Variants in CMSS1 observed in about 807,000 individuals in gnomAD.
The protein encoded by CMSS1 is cms1 ribosomal small subunit homolog, also known as protein CMSS1.
A neutral mutation model predicts 43.5 loss-of-function variants in CMSS1; 33 were observed. The ratio of observed to expected loss-of-function variants is 0.76; its 90% CI spans 0.57 to 1.01. The LOEUF (loss-of-function observed/expected upper bound fraction) is 1.01. Ranked by LOEUF, CMSS1 falls within the 50% of genes least tolerant of loss-of-function variation. CMSS1 has a pLI of 0.00. For missense variants in CMSS1, 313 were observed against 326.4 expected, an observed-to-expected ratio of 0.96 and a Z score of 0.32; for synonymous variants, 115 against 117.2, an observed-to-expected ratio of 0.98 and a Z score of 0.12.
At chr3:100,149,983 G>C (rs972620400) in intron 2 of CMSS1, among the ~76,000 whole-genome samples, 2 of 151,902 alleles carry the variant, frequency 1.3e-5, no homozygotes, top group African/African-American at 2.4e-5. Flanking sequence ...TCCTTGAAAG[G>C]CTCCTCCACC....
chr3:100,030,449 G>A (rs923876886), intron 1 of CMSS1, among the ~76,000 whole-genome samples: 1 of 152,092 alleles, frequency 6.6e-6, no homozygotes, highest in Non-Finnish European at 1.5e-5. Context: ...ATTTGTAATA[G>A]GGTAATGATT....
intron 1 of CMSS1, among the ~76,000 whole-genome samples, chr3:99,983,464 GTATATATATATATATATATATATATA>G (rs1191587665): frequency 8.7e-4 from 11 of 12,676 alleles, no homozygotes; most frequent in Middle Eastern, 0.071. Flanking sequence ...ATATATGTGT[GTATATATATATATATATATATATATA>G]TATATATATA....
chr3:99,830,625 C>G, intron 1 of CMSS1: 1 of 456,198 alleles, frequency 2.2e-6, no homozygotes, highest in Non-Finnish European at 4.4e-6. Context: ...AACAAGAGAA[C>G]AAAAGGTAAT....
chr3:99,896,117 A>C (rs1180160568), intron 1 of CMSS1, among the ~76,000 whole-genome samples: 3 of 152,292 alleles, frequency 2.0e-5, no homozygotes, highest in East Asian at 3.9e-4. Context: ...AAAAAAAGGA[A>C]GTTAAGGGAA....
chr3:99,910,632 G>T (rs1325388695), intron 1 of CMSS1, among the ~76,000 whole-genome samples: 1 of 136,128 alleles, frequency 7.3e-6, no homozygotes, highest in Non-Finnish European at 1.7e-5. Flanking sequence ...AAAGTAATAC[G>T]CTATAATTCT....
At chr3:100,004,538 G>A (rs750087803) in intron 1 of CMSS1, among the ~76,000 whole-genome samples, 25 of 152,126 alleles carry the variant, frequency 1.6e-4, no homozygotes, top group Admixed American at 3.3e-4. Flanking sequence ...TGCAGGTGAC[G>A]TTTGAAAGAA....
intron 1 of CMSS1, among the ~76,000 whole-genome samples, chr3:100,078,805 C>A (rs995985776): frequency 6.6e-6 from 1 of 152,100 alleles, no homozygotes; most frequent in Non-Finnish European, 1.5e-5. Context: ...GCCGGAAAAT[C>A]CCTTGAACCT....
At chr3:99,929,961 A>G in intron 1 of CMSS1, 1 of 1,614,152 alleles carries the variant, frequency 6.2e-7, no homozygotes, top group South Asian at 1.1e-5. Context: ...TGACAAACCC[A>G]TACTGAGCTT....
intron 1 of CMSS1, among the ~76,000 whole-genome samples, chr3:99,902,718 T>G (rs1206026538): frequency 6.6e-6 from 1 of 152,226 alleles, no homozygotes; most frequent in African/African-American, 2.4e-5. Context: ...TTATTTTTTA[T>G]TAAAAATCAG....
chr3:99,986,773 T>C (rs1709354225), intron 1 of CMSS1, among the ~76,000 whole-genome samples: 2 of 152,118 alleles, frequency 1.3e-5, no homozygotes, highest in Non-Finnish European at 2.9e-5. Flanking sequence ...TAGGAAGTAT[T>C]ATGGCATCTA....
chr3:99,899,205 A>T (rs1369430795), intron 1 of CMSS1, among the ~76,000 whole-genome samples: 1 of 152,142 alleles, frequency 6.6e-6, no homozygotes, highest in African/African-American at 2.4e-5. Flanking sequence ...ATGTTCGTTG[A>T]TCTTTATTTT....
chr3:100,150,016 G>C (rs1412771844), intron 2 of CMSS1, among the ~76,000 whole-genome samples: 1 of 151,974 alleles, frequency 6.6e-6, no homozygotes, highest in African/African-American at 2.4e-5. Context: ...GCTGGGGTCT[G>C]TCCTCTCCAT....
intron 1 of CMSS1, among the ~76,000 whole-genome samples, chr3:100,113,369 C>T (rs1347781482): frequency 1.3e-5 from 2 of 152,112 alleles, no homozygotes; most frequent in Non-Finnish European, 1.5e-5. Flanking sequence ...TGTGATGTGC[C>T]CATGGATATC....
intron 4 of CMSS1, among the ~76,000 whole-genome samples, chr3:100,165,739 C>T (rs1484292935): frequency 6.6e-6 from 1 of 152,012 alleles, no homozygotes; most frequent in African/African-American, 2.4e-5. Flanking sequence ...CCTTAATAGA[C>T]CATGCAAGAA....
chr3:99,952,353 A>G (rs923136734), intron 1 of CMSS1, among the ~76,000 whole-genome samples: 2 of 152,182 alleles, frequency 1.3e-5, no homozygotes, highest in South Asian at 2.1e-4. Context: ...CAATTCAAAC[A>G]TTTTCCTCAG....
intron 6 of CMSS1, among the ~76,000 whole-genome samples, chr3:100,170,838 CCTA>C (rs2067104059): frequency 6.6e-6 from 1 of 152,172 alleles, no homozygotes; most frequent in South Asian, 2.1e-4. Context: ...GACTGCCTGT[CCTA>C]CTGGTGTAAG....
At chr3:100,011,548 A>G (rs1710157245) in intron 1 of CMSS1, among the ~76,000 whole-genome samples, 1 of 152,216 alleles carries the variant, frequency 6.6e-6, no homozygotes. Context: ...ATTTATATCT[A>G]TAAAGCCTGT....
At chr3:100,156,817 A>G (rs1181230875) in intron 2 of CMSS1, among the ~76,000 whole-genome samples, 2 of 150,592 alleles carry the variant, frequency 1.3e-5, no homozygotes, top group East Asian at 2.0e-4. Flanking sequence ...GGGTTTCACC[A>G]TGTTAGCCAG....
At chr3:100,034,456 CT>C (rs201037067) in intron 1 of CMSS1, among the ~76,000 whole-genome samples, 2,394 of 152,282 alleles carry the variant, frequency 0.016, 57 homozygotes, top group African/African-American at 0.054. Flanking sequence ...AAGGAATGCA[CT>C]TTTTGAATCA....
Sources: allele counts gnomAD v4.1 joint callset (sites outside exome capture counted in the v4.1 genomes callset), GRCh38; gene constraint gnomAD v4.1.1; transcripts MANE v1.5; gene names NCBI Gene and HGNC (gene_info 2026-07-23, HGNC 2026-07-21).